Variants in ZCCHC4 observed in about 807,000 individuals in gnomAD.
ZCCHC4 encodes zinc finger CCHC-type containing 4.
In ZCCHC4, 54 loss-of-function variants were observed where a neutral mutation model predicts 67.7. That is an observed-to-expected ratio of 0.80 (90% CI 0.64 to 1.00). The LOEUF is 1.00. ZCCHC4 is among the 50% of genes least tolerant of loss of function. The pLI is 0.00. For missense variants in ZCCHC4, 609 were observed against 617.0 expected (o/e 0.99, Z 0.14); for synonymous variants, 198 against 213.5 (o/e 0.93, Z 0.63).
chr4:25,351,479 T>A, intron 7 of ZCCHC4, 110 bp from the exon 8 acceptor site: 1 of 706,638 alleles, frequency 1.4e-6, no homozygotes, highest in Non-Finnish European at 2.3e-6. Flanking sequence ...TGTATGAGAT[T>A]TAAATGTGTT....
intron 6 of ZCCHC4, among the ~76,000 whole-genome samples, chr4:25,347,908 A>G (rs535716921): frequency 1.3e-5 from 2 of 152,314 alleles, no homozygotes; most frequent in African/African-American, 4.8e-5. Flanking sequence ...ATTACTGTCA[A>G]CATTGTAAGC....
intron 2 of ZCCHC4, among the ~76,000 whole-genome samples, chr4:25,314,915 G>C (rs1395596561): frequency 6.6e-6 from 1 of 152,210 alleles, no homozygotes; most frequent in Non-Finnish European, 1.5e-5. Flanking sequence ...GGCACTTAGA[G>C]ATATAGTCAT....
Position 25,365,111 on chromosome 4 carries a change from C to A in ZCCHC4, c.1351C>A (p.Leu451Met). The stretch of plus-strand genomic sequence containing the variant: ...ACATGGCTGCTTTATTTGTGGTGAA[C>A]TGGATCATAAACGCAGTACTTGTCC... ...PKHGCFICGE[L>M]DHKRSTCPNI... Residue 451 changes from leucine (L) to methionine (M), a missense_variant, in exon 12 of 13, where the codon CTG becomes ATG. Coordinates refer to ENST00000302874, the MANE Select transcript of ZCCHC4 (RefSeq NM_024936.3). The A allele has an allele frequency of 1.2e-6, 2 of 1,614,190 alleles. 1 individual carries two copies. The highest frequency in any genetic ancestry group is 2.2e-5 in the South Asian group (2 of 91,076).
intron 3 of ZCCHC4, among the ~76,000 whole-genome samples, chr4:25,326,387 G>A (rs1482367969): frequency 6.6e-6 from 1 of 152,248 alleles, no homozygotes; most frequent in African/African-American, 2.4e-5. Context: ...CATGACATCT[G>A]TAAATTCTCT....
intron 8 of ZCCHC4, chr4:25,352,286 A>G (rs1286388015): frequency 1.0e-6 from 1 of 985,338 alleles, no homozygotes; most frequent in Non-Finnish European, 1.2e-6. Context: ...TGCTGTCCAC[A>G]GCAGCTCCAC....
At position 25,334,849 on chromosome 4, in the gene ZCCHC4, T is replaced by A. The variant is rs112295861; in HGVS notation, c.686+861T>A. On this transcript the variant is annotated intron_variant, in intron 5 of 12. Coordinates refer to ENST00000302874, the MANE Select transcript of ZCCHC4 (RefSeq NM_024936.3). The stretch of plus-strand genomic sequence containing the variant: ...AACAAAGAAGACAGATTTTTTTTTT[T>A]TCCTCTTAGACAGGGTCTCGCTCTG... Among the ~76,000 whole-genome samples, 1,025 of 152,188 alleles carry A rather than the reference T, an allele frequency of 6.7e-3. 10 individuals are homozygous for A. Among genetic ancestry groups the A allele is most frequent in the African/African-American group, 0.023 (962 of 41,500 alleles).
intron 3 of ZCCHC4, among the ~76,000 whole-genome samples, chr4:25,328,725 G>A (rs1017716742): frequency 1.3e-5 from 2 of 151,694 alleles, no homozygotes. Context: ...GCAACTACAG[G>A]CACTTGCCAC....
At chr4:25,365,330 A>ATTCAAAGAGCTTGCT in intron 12 of ZCCHC4, 164 bp downstream of exon 12, 1 of 1,410,058 alleles carries the variant, frequency 7.1e-7, no homozygotes, top group South Asian at 1.6e-5. Context: ...GAGGAAGATG[A>ATTCAAAGAGCTTGCT]TTCAAAGAGC....
In ZCCHC4 at chr4:25,349,644, T is replaced by G. The variant is rs1401322916; in HGVS notation, c.910+2T>G. The G allele has an allele frequency of 1.9e-6, 3 of 1,613,044 alleles. No individual in the cohort carries two copies. On this transcript the variant is annotated splice_donor_variant, in intron 7 of 12. Coordinates refer to ENST00000302874, the MANE Select transcript of ZCCHC4 (RefSeq NM_024936.3). LOFTEE classifies it high-confidence loss of function. ...TGTGGAAAGAAGGTCAAAGCCAAGG[T>G]GTATAATTTATTACTGCAAAATAAA...
chr4:25,369,379 T>C lies in ZCCHC4; in HGVS notation c.*215T>C. 1.8e-6 allele frequency: 1 copy of C among 544,594 alleles called. No homozygotes were observed. The highest frequency in any genetic ancestry group is 3.2e-6 in the Non-Finnish European group (1 of 316,986). The allele number at this position is 544,594 out of a possible 1,614,324, so 33.7% of individuals were successfully genotyped here. On this transcript the variant is annotated 3_prime_UTR_variant, in exon 13 of 13. Transcript: ENST00000302874. ...CATCTTCAGCCAGTTTACTAGTTCTTTCAGCATTCATTTTTCCTCACTTTA... is the reference window on the plus strand; with the variant it reads ...CATCTTCAGCCAGTTTACTAGTTCTCTCAGCATTCATTTTTCCTCACTTTA...
At chr4:25,327,106 T>C (rs1718920440) in intron 3 of ZCCHC4, among the ~76,000 whole-genome samples, 1 of 152,242 alleles carries the variant, frequency 6.6e-6, no homozygotes, top group African/African-American at 2.4e-5. Flanking sequence ...CCTTAGGATT[T>C]TGTACATGTG....
rs760165212 is a variant in ZCCHC4, at chr4:25,312,923, G to A, written c.114G>A (p.Pro38=). The A allele has an allele frequency of 9.3e-6, 15 of 1,612,358 alleles. No homozygotes were observed. The South Asian group carries it at 1.4e-4, about 15-fold the overall frequency. The change falls in exon 1 of 13, where the codon CCG becomes CCA. Residue 38 remains proline, a synonymous_variant. Coordinates refer to ENST00000302874, the MANE Select transcript of ZCCHC4 (RefSeq NM_024936.3). ...VLPLDPAVPA[P]LCPHGPTLLF... ...CTTTGGATCCTGCCGTCCCCGCCCC[G>A]CTGTGCCCTCACGGTGGGTCAGAGT...
chr4:25,312,967 C>G, intron 1 of ZCCHC4, 31 bp downstream of exon 1: 3 of 1,607,398 alleles, frequency 1.9e-6, no homozygotes, highest in Non-Finnish European at 2.5e-6. Context: ...AGCCTAACTG[C>G]CGGGCGCTGA....
Position 25,312,874 on chromosome 4 carries a change from G to A in ZCCHC4, c.65G>A (p.Ser22Asn). ...EAEGSAGCRG[S>N]SGMEVVLPLD... ...GAGGGCAGCGCAGGGTGCCGGGGAAGCTCGGGAATGGAGGTGGTGCTTCCT... is the reference window on the plus strand; with the variant it reads ...GAGGGCAGCGCAGGGTGCCGGGGAAACTCGGGAATGGAGGTGGTGCTTCCT... Residue 22 changes from serine to asparagine, a missense_variant, in exon 1 of 13, where the codon AGC (serine) becomes AAC (asparagine). Transcript: ENST00000302874. 1.2e-6 allele frequency: 2 copies of A among 1,613,060 alleles called. No homozygotes were observed. The highest frequency in any genetic ancestry group is 1.7e-5 in the Admixed American group (1 of 60,022).
At chr4:25,342,531 T>C (rs1719805841) in intron 5 of ZCCHC4, among the ~76,000 whole-genome samples, 1 of 152,240 alleles carries the variant, frequency 6.6e-6, no homozygotes, top group Non-Finnish European at 1.5e-5. Context: ...AATAAAGTTA[T>C]GTCAAAAAAT....
chr4:25,368,925 C>T (rs929751852), intron 12 of ZCCHC4, 104 bp from the exon 13 acceptor site: 4 of 1,339,528 alleles, frequency 3.0e-6, no homozygotes, highest in Admixed American at 2.8e-5. Flanking sequence ...GATTCTTTCC[C>T]TTCTTCTATT....
Position 25,369,187 on chromosome 4 carries a change from GA to G in ZCCHC4, c.*26del. 1.2e-6 allele frequency: 2 copies of G among 1,604,472 alleles called. No individual in the cohort carries two copies. The highest frequency in any genetic ancestry group is 4.5e-5 in the East Asian group (2 of 44,786). On this transcript the variant is annotated 3_prime_UTR_variant, in exon 13 of 13. Coordinates refer to ENST00000302874, the MANE Select transcript of ZCCHC4 (RefSeq NM_024936.3). ...TAAATGTCCAGTGACTGGAGAATAA[GA>G]AAGATTTATGGTCCAACCTTTGATG...
chr4:25,352,145 A>T (rs1720330318), intron 8 of ZCCHC4: 1 of 985,820 alleles, frequency 1.0e-6, no homozygotes, highest in South Asian at 4.7e-5. Flanking sequence ...CACTCTTGGG[A>T]TGTCAGGAGT....
At chr4:25,327,361 T>C (rs6839238) in intron 3 of ZCCHC4, among the ~76,000 whole-genome samples, 64,698 of 150,662 alleles carry the variant, frequency 0.43, 16,074 homozygotes, top group Non-Finnish European at 0.56. Flanking sequence ...CCCTTCTATT[T>C]CTGGTTTTTT....
Sources: gnomAD v4.1 joint callset for allele counts (sites outside exome capture counted in the v4.1 genomes callset) on GRCh38, gnomAD v4.1.1 for gene constraint, MANE v1.5 for transcripts, NCBI Gene and HGNC (gene_info 2026-07-23, HGNC 2026-07-21) for gene names.